Variants in ZBED6 observed in about 807,000 individuals in gnomAD.
ZBED6 encodes zinc finger BED domain-containing protein 6.
Under a neutral mutation model 58.4 loss-of-function variants are expected in ZBED6, and 40 were observed. That is an observed-to-expected ratio of 0.68 (90% CI 0.53 to 0.89). The LOEUF is 0.89. Among genes scored for constraint, ZBED6 ranks in the 40% least tolerant of loss-of-function variants. The pLI is 0.00. For missense variants in ZBED6, 1,057 were observed against 1,003.9 expected, an observed-to-expected ratio of 1.05 and a Z score of -0.71; for synonymous variants, 439 against 350.6, an observed-to-expected ratio of 1.25 and a Z score of -2.82.
chr1:203,798,141 C>T (rs1669255540), exon 1 of ZBED6: 2 of 1,536,140 alleles, frequency 1.3e-6, no homozygotes, highest in South Asian at 1.2e-5. Flanking sequence ...GTCTTTATCT[C>T]CCTCTTCTGG....
chr1:203,822,495 C>T (rs751053914), intron 3 of ZBED6, among the ~76,000 whole-genome samples: 1 of 152,040 alleles, frequency 6.6e-6, no homozygotes, highest in Non-Finnish European at 1.5e-5. Context: ...TTGTGCTGAG[C>T]GGCCCTCACA....
chr1:203,850,332 G>A, intron 14 of ZBED6, 183 bp from the exon 15 acceptor site: 2 of 832,242 alleles, frequency 2.4e-6, no homozygotes, highest in South Asian at 1.5e-5. Context: ...TATCTACATG[G>A]TGACCACCTG....
chr1:203,800,506 C>CTGTA, exon 1 of ZBED6: 4 of 1,443,086 alleles, frequency 2.8e-6, no homozygotes, highest in Non-Finnish European at 3.6e-6. Flanking sequence ...TGCTGTGTTA[C>CTGTA]TGTATCTTAA....
intron 1 of ZBED6, among the ~76,000 whole-genome samples, chr1:203,806,487 G>C (rs1571950422): frequency 6.6e-6 from 1 of 152,210 alleles, no homozygotes; most frequent in East Asian, 1.9e-4. Context: ...TTTTTTAATA[G>C]AGATTAGGTT....
At chr1:203,840,971 A>T (rs1018652371) in intron 11 of ZBED6, among the ~76,000 whole-genome samples, 2 of 152,090 alleles carry the variant, frequency 1.3e-5, no homozygotes, top group African/African-American at 2.4e-5. Context: ...AATATACAAT[A>T]AAAAGGGTTT....
At chr1:203,818,913 C>CA (rs71145030) in intron 3 of ZBED6, among the ~76,000 whole-genome samples, 1 of 151,302 alleles carries the variant, frequency 6.6e-6, no homozygotes, top group Non-Finnish European at 1.5e-5. Context: ...ACTAAAAATA[C>CA]AAAAAATTAG....
At chr1:203,810,237 A>C (rs1345898780) in intron 1 of ZBED6, among the ~76,000 whole-genome samples, 1 of 151,818 alleles carries the variant, frequency 6.6e-6, no homozygotes, top group African/African-American at 2.4e-5. Flanking sequence ...TGGTCTCTCA[A>C]AGTGTTAGGA....
At chr1:203,852,746 T>C in exon 17 of ZBED6, 1 of 298,662 alleles carries the variant, frequency 3.3e-6, no homozygotes, top group Non-Finnish European at 6.3e-6. Context: ...GCTTTTTTCT[T>C]CTTTGTTGTA....
At chr1:203,844,180 T>C (rs1687261259) in intron 11 of ZBED6, among the ~76,000 whole-genome samples, 1 of 151,004 alleles carries the variant, frequency 6.6e-6, no homozygotes, top group South Asian at 2.1e-4. Context: ...TTATTTTTGT[T>C]TGAGACAGAG....
intron 1 of ZBED6, among the ~76,000 whole-genome samples, chr1:203,815,653 T>G (rs1676133554): frequency 6.6e-6 from 1 of 152,212 alleles, no homozygotes; most frequent in Admixed American, 6.5e-5. Context: ...GGTACATGTT[T>G]AGTACCCATG....
chr1:203,796,524 ATTG>A, exon 1 of ZBED6: 1 of 398,888 alleles, frequency 2.5e-6, no homozygotes, highest in Non-Finnish European at 4.4e-6. Flanking sequence ...GAAGGCCTAT[ATTG>A]TTGACATCTT....
intron 9 of ZBED6, among the ~76,000 whole-genome samples, chr1:203,834,774 C>A (rs1683695160): frequency 6.6e-6 from 1 of 152,172 alleles, no homozygotes; most frequent in Admixed American, 6.5e-5. Context: ...CTCAGCCTCT[C>A]AAGTAGCTGG....
chr1:203,795,948 T>G (rs1553256731), exon 1 of ZBED6: 7 of 141,930 alleles, frequency 4.9e-5, no homozygotes, highest in Non-Finnish European at 1.1e-4. Context: ...TAACGACCCC[T>G]CCCCCCCACC....
intron 3 of ZBED6, among the ~76,000 whole-genome samples, chr1:203,820,246 A>G (rs1234234655): frequency 6.6e-6 from 1 of 151,980 alleles, no homozygotes. Flanking sequence ...AGAAAAAAAA[A>G]AAAAAAGCCC....
chr1:203,799,341 G>A (rs1460698590), exon 1 of ZBED6: 14 of 705,476 alleles, frequency 2.0e-5, no homozygotes, highest in Admixed American at 1.4e-4. Flanking sequence ...GAATATGTTA[G>A]TGGCTGCCAG....
chr1:203,825,469 C>G (rs561144898), intron 3 of ZBED6, among the ~76,000 whole-genome samples: 1 of 122,800 alleles, frequency 8.1e-6, no homozygotes, highest in Non-Finnish European at 1.6e-5. Context: ...GAGTCTCACT[C>G]TGTCACCCAG....
At chr1:203,815,539 A>T (rs1266805180) in intron 1 of ZBED6, among the ~76,000 whole-genome samples, 1 of 152,006 alleles carries the variant, frequency 6.6e-6, no homozygotes, top group Non-Finnish European at 1.5e-5. Context: ...TTAAAACAAG[A>T]TTGTGATAAC....
intron 3 of ZBED6, among the ~76,000 whole-genome samples, chr1:203,825,242 A>G (rs971290312): frequency 1.3e-5 from 2 of 152,194 alleles, no homozygotes; most frequent in Non-Finnish European, 2.9e-5. Flanking sequence ...AGAGGCCCAC[A>G]GGAACCCAAC....
chr1:203,819,441 C>T (rs932075193), intron 3 of ZBED6, among the ~76,000 whole-genome samples: 7 of 150,764 alleles, frequency 4.6e-5, no homozygotes, highest in African/African-American at 1.2e-4. Flanking sequence ...AGGCTGGGCT[C>T]GAACTCCTGA....
Sources: allele counts gnomAD v4.1 joint callset (sites outside exome capture counted in the v4.1 genomes callset), GRCh38; gene constraint gnomAD v4.1.1; transcripts MANE v1.5; gene names NCBI Gene and HGNC (gene_info 2026-07-23, HGNC 2026-07-21).